The following CELF2 variants were observed in gnomAD, a reference collection of about 807,000 sequenced individuals.
The protein encoded by CELF2 is CUGBP Elav-like family member 2, also known as CUG triplet repeat RNA-binding protein 2.
CELF2 carries 8 observed loss-of-function variants against 62.6 expected under a neutral mutation model. The ratio of observed to expected loss-of-function variants is 0.13; its 90% CI spans 0.07 to 0.23. The LOEUF (loss-of-function observed/expected upper bound fraction) is 0.23, where lower values mean the gene tolerates loss of function less well. CELF2 is among the 10% of genes least tolerant of loss of function. The probability of loss-of-function intolerance (pLI) is 1.00; values close to 1 mark genes in which losing one functional copy is unlikely to be tolerated. For missense variants in CELF2, 333 were observed against 671.0 expected, an observed-to-expected ratio of 0.50 and a Z score of 5.56; for synonymous variants, 258 against 250.0, an observed-to-expected ratio of 1.03 and a Z score of -0.30.
chr10:11,310,566 C>G (rs1470062690), intron 9 of CELF2, among the ~76,000 whole-genome samples: 1 of 151,918 alleles, frequency 6.6e-6, no homozygotes, highest in Non-Finnish European at 1.5e-5. Context: ...CCAAGGATAT[C>G]CTTATTTTAG....
the CELF2 span, among the ~76,000 whole-genome samples, chr10:10,648,277 G>A: frequency 3.9e-5 from 6 of 152,228 alleles, no homozygotes; most frequent in African/African-American, 1.4e-4. Context: ...CAGGGAACCC[G>A]TACCAGTATC....
At chr10:10,969,336 G>A (rs759670399) in intron 2 of CELF2, among the ~76,000 whole-genome samples, 3 of 152,178 alleles carry the variant, frequency 2.0e-5, no homozygotes, top group Non-Finnish European at 4.4e-5. Context: ...TTGGGGGTAG[G>A]CATTAAGGAG....
intron 2 of CELF2, among the ~76,000 whole-genome samples, chr10:10,950,010 T>C (rs2048145343): frequency 6.6e-6 from 1 of 152,174 alleles, no homozygotes; most frequent in African/African-American, 2.4e-5. Context: ...CTTTGGTTGC[T>C]TGACAGTCTT....
In CELF2 at chr10:11,318,789, G is replaced by A. The variant is rs747947808; in HGVS notation, c.1097-2400G>A. ...ACAGCTGTGTACAGAGAAGGGAGTT[G>A]GGTCCCAGTGACCACTGCCATAAAA... On this transcript the variant is annotated intron_variant, in intron 10 of 12. Coordinates refer to ENST00000633077, the MANE Select transcript of CELF2 (RefSeq NM_001326342.2). The surrounding 1 kb of genome is among the most constrained non-coding windows in gnomAD (Gnocchi z 5.4). 4.2e-6 allele frequency: 2 copies of A among 471,136 alleles called. No individual in the cohort carries two copies. The highest frequency in any genetic ancestry group is 4.4e-6 in the Non-Finnish European group (1 of 227,084). 29.2% of individuals were successfully genotyped at this position (471,136 alleles called of 1,614,324 possible).
chr10:11,283,340 C>T (rs558742163), intron 8 of CELF2, among the ~76,000 whole-genome samples: 2 of 152,348 alleles, frequency 1.3e-5, no homozygotes, highest in Non-Finnish European at 2.9e-5. Flanking sequence ...CTCTGATATC[C>T]AGCAATCTGC....
rs1455159731 is a variant in CELF2, at chr10:11,224,457, A to G, written c.354+6950A>G. ...GACAGCCCAAGATTAAACTGGGAATATGCAGTTCACTTACGTCGACCTTAG... is the reference window on the plus strand; with the variant it reads ...GACAGCCCAAGATTAAACTGGGAATGTGCAGTTCACTTACGTCGACCTTAG... On this transcript the variant is annotated intron_variant, in intron 3 of 12. Transcript: ENST00000633077. This position sits in a 1 kb window ranked among gnomAD's most constrained non-coding sequence, Gnocchi z 4.5. 6.6e-6 allele frequency among the ~76,000 whole-genome samples: 1 copy of G among 152,184 alleles called. No individual in the cohort carries two copies. Among genetic ancestry groups the G allele is most frequent in the Non-Finnish European group, 1.5e-5 (1 of 68,038 alleles).
chr10:10,824,482 T>C (rs2057226064), intron 1 of CELF2, among the ~76,000 whole-genome samples: 1 of 152,228 alleles, frequency 6.6e-6, no homozygotes, highest in Admixed American at 6.5e-5. Flanking sequence ...GAAGTAAAAC[T>C]TAAGGATGTT....
intron 2 of CELF2, among the ~76,000 whole-genome samples, chr10:11,193,984 A>G (rs1359682717): frequency 1.3e-5 from 2 of 152,210 alleles, no homozygotes; most frequent in Admixed American, 1.3e-4. Context: ...TTCAAGGACA[A>G]GACTTACAGT....
intron 1 of CELF2, among the ~76,000 whole-genome samples, chr10:11,153,006 A>G (rs567898116): frequency 5.3e-5 from 8 of 152,348 alleles, no homozygotes; most frequent in African/African-American, 1.9e-4. Flanking sequence ...TTCCTTCCAG[A>G]AGCAAAAACA....
chr10:10,558,031 TCTC>T, the CELF2 span, among the ~76,000 whole-genome samples: 9 of 145,718 alleles, frequency 6.2e-5, no homozygotes, highest in Non-Finnish European at 1.2e-4. Context: ...TTTATTTCCT[TCTC>T]CTGCCTAATT....
At chr10:10,630,450 C>G in the CELF2 span, among the ~76,000 whole-genome samples, 1 of 152,262 alleles carries the variant, frequency 6.6e-6, no homozygotes, top group African/African-American at 2.4e-5. Context: ...GGATCTCTAT[C>G]TAATCTCTAT....
intron 2 of CELF2, among the ~76,000 whole-genome samples, chr10:10,940,075 A>G (rs1402455417): frequency 6.6e-6 from 1 of 152,188 alleles, no homozygotes; most frequent in Non-Finnish European, 1.5e-5. Context: ...TCCCCAACCT[A>G]ATATCTAAAT....
chr10:10,515,797 A>G, the CELF2 span, among the ~76,000 whole-genome samples: 55,608 of 152,042 alleles, frequency 0.37, 10,541 homozygotes, highest in Non-Finnish European at 0.43. Context: ...TCCTTCTCTG[A>G]AAAGTAGAGA....
At chr10:10,883,648 G>A (rs926451386) in intron 1 of CELF2, among the ~76,000 whole-genome samples, 9 of 152,144 alleles carry the variant, frequency 5.9e-5, no homozygotes, top group Admixed American at 1.3e-4. Flanking sequence ...CAGTGCTGTT[G>A]TTGGACTCAT....
At position 11,008,384 on chromosome 10, in the gene CELF2, T is replaced by C. The variant is rs1169986917; in HGVS notation, c.53+2944T>C. 1.3e-5 allele frequency among the ~76,000 whole-genome samples: 2 copies of C among 152,240 alleles called. No homozygotes were observed. Among genetic ancestry groups the C allele is most frequent in the Non-Finnish European group, 2.9e-5 (2 of 68,036 alleles). On this transcript the variant is annotated intron_variant, in intron 1 of 12. Transcript: ENST00000416382. This position sits in a 1 kb window ranked among gnomAD's most constrained non-coding sequence, Gnocchi z 4.5. Reference sequence around the variant, plus strand: ...TCTCTAACCCCCTGTGTATGAATATTCCTTGATTTGTTAAAATGAAACCAG... The same window carrying C: ...TCTCTAACCCCCTGTGTATGAATATCCCTTGATTTGTTAAAATGAAACCAG...
chr10:11,140,783 A>G (rs972427997), intron 1 of CELF2, among the ~76,000 whole-genome samples: 2 of 152,180 alleles, frequency 1.3e-5, no homozygotes, highest in Admixed American at 6.5e-5. Context: ...TGGGAGACCA[A>G]GGTGGGAAGG....
At chr10:10,479,166 T>A in the CELF2 span, among the ~76,000 whole-genome samples, 8 of 152,134 alleles carry the variant, frequency 5.3e-5, no homozygotes. Context: ...TCATCTAAAC[T>A]AATTTTTTTT....
chr10:11,320,721 T>C (rs1161510921), intron 10 of CELF2: 1 of 938,896 alleles, frequency 1.1e-6, no homozygotes, highest in East Asian at 2.6e-5. Flanking sequence ...GAAAAAAGTT[T>C]TATTTCATCC....
upstream of CELF2, among the ~76,000 whole-genome samples, chr10:11,014,728 T>C (rs1455692161): frequency 6.6e-6 from 1 of 152,140 alleles, no homozygotes; most frequent in Non-Finnish European, 1.5e-5. Context: ...AACTGCACAG[T>C]GCTTTCCCTT....
Sources: allele counts gnomAD v4.1 joint callset (sites outside exome capture counted in the v4.1 genomes callset), GRCh38; gene constraint gnomAD v4.1.1; non-coding constraint Gnocchi (gnomAD v3.1); transcripts MANE v1.5; gene names NCBI Gene and HGNC (gene_info 2026-07-23, HGNC 2026-07-21).